Variants in FRMPD2 observed in about 807,000 individuals in gnomAD.
The protein encoded by FRMPD2 is FERM and PDZ domain-containing protein 2.
In FRMPD2, 96 loss-of-function variants were observed where a neutral mutation model predicts 140.1. The ratio of observed to expected loss-of-function variants is 0.69; its 90% CI spans 0.58 to 0.81. FRMPD2 has a LOEUF of 0.81. Ranked by LOEUF, FRMPD2 falls within the 40% of genes least tolerant of loss-of-function variation. The probability of loss-of-function intolerance (pLI) is 0.00; values close to 1 mark genes in which losing one functional copy is unlikely to be tolerated. For missense variants in FRMPD2, 1,240 were observed against 1,447.4 expected, an observed-to-expected ratio of 0.86 and a Z score of 2.32; for synonymous variants, 449 against 547.6, an observed-to-expected ratio of 0.82 and a Z score of 2.52.
intron 3 of FRMPD2, 59 bp downstream of exon 3, chr10:48,248,962 G>C: frequency 6.8e-7 from 1 of 1,471,134 alleles, no homozygotes; most frequent in Non-Finnish European, 9.1e-7. Flanking sequence ...GGCTGCCGCT[G>C]GGACAGGCCT....
At chr10:48,210,720 C>T (rs762694728) in intron 13 of FRMPD2, among the ~76,000 whole-genome samples, 1 of 152,232 alleles carries the variant, frequency 6.6e-6, no homozygotes, top group African/African-American at 2.4e-5. Flanking sequence ...TCAAATGAAA[C>T]GCTTGCAGGC....
Position 48,160,107 on chromosome 10 carries a change from A to G in FRMPD2, c.3882-2737T>C, listed in dbSNP as rs1470200932. ...TTGATGTGATTGTTGCCTTCTGCCTACCTTTAGGAACTAACCTTATAAAAA... is the reference window on the plus strand; with the variant it reads ...TTGATGTGATTGTTGCCTTCTGCCTGCCTTTAGGAACTAACCTTATAAAAA... On this transcript the variant is annotated intron_variant, in intron 28 of 28. Coordinates refer to ENST00000374201, the MANE Select transcript of FRMPD2 (RefSeq NM_001018071.4). Among the ~76,000 whole-genome samples, 2 of 151,632 alleles carry G rather than the reference A, an allele frequency of 1.3e-5. 1 individual carries two copies. The highest frequency in any genetic ancestry group is 2.9e-5 in the Non-Finnish European group (2 of 67,930).
intron 20 of FRMPD2, among the ~76,000 whole-genome samples, chr10:48,182,456 A>G (rs1429832881): frequency 6.6e-6 from 1 of 152,226 alleles, no homozygotes; most frequent in Non-Finnish European, 1.5e-5. Flanking sequence ...TGGACATTTT[A>G]TCTGTCTGAT....
At chr10:48,175,336 G>A (rs1838380153) in intron 23 of FRMPD2, among the ~76,000 whole-genome samples, 1 of 152,114 alleles carries the variant, frequency 6.6e-6, no homozygotes, top group South Asian at 2.1e-4. Flanking sequence ...AGGGAGGCAT[G>A]GTTGACGCTG....
chr10:48,236,517 C>T lies in FRMPD2; in HGVS notation c.958G>A (p.Ala320Thr), dbSNP rs765290296. The change falls in exon 9 of 29, where the codon GCC becomes ACC. Residue 320 changes from alanine (A) to threonine (T), a missense_variant. Coordinates refer to ENST00000374201, the MANE Select transcript of FRMPD2 (RefSeq NM_001018071.4). Reference protein sequence around the residue: ...RPEFILLAGEAPMTLHLPGSV... With the variant: ...RPEFILLAGETPMTLHLPGSV... ...CCCGGCAGATGTAGTGTCATCGGGGCCTCTCCAGCCAACAGGATGAACTCT... is the reference window on the plus strand; with the variant it reads ...CCCGGCAGATGTAGTGTCATCGGGGTCTCTCCAGCCAACAGGATGAACTCT... The T allele has an allele frequency of 1.6e-5, 26 of 1,614,204 alleles. No individual in the cohort carries two copies. Among genetic ancestry groups the T allele is most frequent in the Non-Finnish European group, 2.2e-5 (26 of 1,180,014 alleles).
chr10:48,232,272 G>C lies in FRMPD2; in HGVS notation c.1011C>G (p.Ser337=), dbSNP rs138922688. ...CACAGAGGTCCCTGAGAGCCAAATA[G>C]GATTTCCCTTTTTTGGTCTGAAAAC... is the stretch of plus-strand genomic sequence containing the variant. ...PGSVVTKKGK[S]YLALRDLCVV... The change falls in exon 10 of 29, where the codon TCC becomes TCG. Residue 337 remains serine, a synonymous_variant. Transcript: ENST00000374201. 29 of 1,610,580 alleles carry C rather than the reference G, an allele frequency of 1.8e-5. No homozygotes were observed. The African/African-American group carries it at 3.9e-4, about 22-fold the overall frequency.
In FRMPD2 at chr10:48,244,845, T is replaced by C. The variant is rs762275866; in HGVS notation, c.314A>G (p.His105Arg). Reference sequence around the variant, plus strand: ...GAGGGTCATTCCTAAAGAATAGACATGCATCTGCCCAAAAGAAGAGTACAT... The same window carrying C: ...GAGGGTCATTCCTAAAGAATAGACACGCATCTGCCCAAAAGAAGAGTACAT... ...EDEQPDASQMHVYSLGMTLYW... is the reference protein window; with the variant it reads ...EDEQPDASQMRVYSLGMTLYW... Residue 105 changes from histidine (H) to arginine (R), a missense_variant, in exon 4 of 29, where the codon CAT (histidine) becomes CGT (arginine). Transcript: ENST00000374201. 6.2e-7 allele frequency: 1 copy of C among 1,609,374 alleles called. No homozygotes were observed. Among genetic ancestry groups the C allele is most frequent in the East Asian group, 2.2e-5 (1 of 44,862 alleles).
intron 1 of FRMPD2, among the ~76,000 whole-genome samples, chr10:48,258,356 T>C (rs1052453255): frequency 6.6e-6 from 1 of 152,246 alleles, no homozygotes; most frequent in African/African-American, 2.4e-5. Flanking sequence ...TGAGTGATGC[T>C]GACATTGCAT....
chr10:48,216,224 A>G (rs1413524613), intron 12 of FRMPD2, among the ~76,000 whole-genome samples: 1 of 152,228 alleles, frequency 6.6e-6, no homozygotes, highest in Non-Finnish European at 1.5e-5. Context: ...AGACAGACAG[A>G]AAGACATATA....
chr10:48,199,415 G>C (rs1036885052), intron 15 of FRMPD2, among the ~76,000 whole-genome samples: 2 of 152,156 alleles, frequency 1.3e-5, no homozygotes, highest in African/African-American at 2.4e-5. Context: ...AGGAGAATGT[G>C]ATGAGTTACA....
intron 1 of FRMPD2, among the ~76,000 whole-genome samples, chr10:48,259,921 A>G (rs950723586): frequency 6.6e-6 from 1 of 152,128 alleles, no homozygotes; most frequent in African/African-American, 2.4e-5. Context: ...CAACAGAAAA[A>G]ATTGAAGTCT....
At chr10:48,254,265 T>C (rs917923392) in intron 1 of FRMPD2, among the ~76,000 whole-genome samples, 1 of 152,190 alleles carries the variant, frequency 6.6e-6, no homozygotes, top group African/African-American at 2.4e-5. Context: ...GCTCTGAATT[T>C]CCCTGGCTGG....
At chr10:48,210,091 A>G (rs1253069012) in intron 13 of FRMPD2, among the ~76,000 whole-genome samples, 1 of 152,222 alleles carries the variant, frequency 6.6e-6, no homozygotes, top group Non-Finnish European at 1.5e-5. Context: ...TCCAGGCGGC[A>G]GAATTATGAG....
intron 28 of FRMPD2, 111 bp downstream of exon 28, chr10:48,163,217 C>G (rs1399334933): frequency 5.1e-6 from 3 of 591,262 alleles, no homozygotes; most frequent in East Asian, 2.9e-5. Flanking sequence ...ATGCCTGGAA[C>G]AGTGCTGGGC....
At chr10:48,180,356 C>T (rs1164782989) in intron 21 of FRMPD2, among the ~76,000 whole-genome samples, 2 of 152,124 alleles carry the variant, frequency 1.3e-5, no homozygotes, top group African/African-American at 2.4e-5. Context: ...CCTCCATACA[C>T]CTACTCCAGA....
chr10:48,237,163 C>A (rs983250667), intron 8 of FRMPD2, among the ~76,000 whole-genome samples: 3 of 151,652 alleles, frequency 2.0e-5, no homozygotes, highest in African/African-American at 7.3e-5. Flanking sequence ...TCACCTGAGT[C>A]ATATAACCAG....
At chr10:48,201,965 C>G (rs1476611248) in intron 14 of FRMPD2, among the ~76,000 whole-genome samples, 1 of 151,548 alleles carries the variant, frequency 6.6e-6, no homozygotes, top group African/African-American at 2.4e-5. Context: ...CCTCAAAATG[C>G]CACAGGAATT....
intron 13 of FRMPD2, among the ~76,000 whole-genome samples, chr10:48,208,399 T>C (rs948227900): frequency 6.6e-6 from 1 of 152,206 alleles, no homozygotes; most frequent in Non-Finnish European, 1.5e-5. Context: ...AGATTCCTAC[T>C]AGTAAAGCAC....
chr10:48,175,525 G>A (rs565117930), intron 23 of FRMPD2, among the ~76,000 whole-genome samples: 41 of 151,494 alleles, frequency 2.7e-4, no homozygotes, highest in African/African-American at 9.2e-4. Context: ...TGAGTTTACC[G>A]AGGCCCACTT....
Sources: allele counts gnomAD v4.1 joint callset (sites outside exome capture counted in the v4.1 genomes callset), GRCh38; gene constraint gnomAD v4.1.1; transcripts MANE v1.5; gene names NCBI Gene and HGNC (gene_info 2026-07-23, HGNC 2026-07-21).